Variants in EPC1 observed in about 807,000 individuals in gnomAD.
EPC1 encodes the protein enhancer of polycomb homolog 1.
A neutral mutation model predicts 98.4 loss-of-function variants in EPC1; 12 were observed. The ratio of observed to expected loss-of-function variants is 0.12; its 90% CI spans 0.08 to 0.20. The LOEUF is 0.20. Ranked by LOEUF, EPC1 falls within the 10% of genes least tolerant of loss-of-function variation. The pLI is 1.00. For synonymous variants in EPC1, 357 were observed against 363.9 expected (o/e 0.98, Z 0.21); for missense variants, 729 against 990.5 (o/e 0.74, Z 3.54).
intron 1 of EPC1, among the ~76,000 whole-genome samples, chr10:32,325,460 C>G (rs893741751): frequency 6.6e-6 from 1 of 152,154 alleles, no homozygotes; most frequent in Non-Finnish European, 1.5e-5. Flanking sequence ...ACTTTAATTT[C>G]CACAGGAAGG....
At chr10:32,341,239 T>A (rs1838325795) in intron 1 of EPC1, among the ~76,000 whole-genome samples, 1 of 152,200 alleles carries the variant, frequency 6.6e-6, no homozygotes, top group Admixed American at 6.5e-5. Context: ...GAGTAATAAA[T>A]GTAATCAGAA....
At chr10:32,286,577 A>G (rs1836689257) in intron 9 of EPC1, 117 bp downstream of exon 9, 2 of 1,221,370 alleles carry the variant, frequency 1.6e-6, no homozygotes, top group Non-Finnish European at 2.3e-6. Flanking sequence ...CAGATCAGTT[A>G]AGAATAGCAA....
At chr10:32,342,920 T>C (rs1462494005) in intron 1 of EPC1, among the ~76,000 whole-genome samples, 1 of 152,228 alleles carries the variant, frequency 6.6e-6, no homozygotes, top group Non-Finnish European at 1.5e-5. Flanking sequence ...AAAGATTTGA[T>C]AGTATTAATC....
intron 1 of EPC1, among the ~76,000 whole-genome samples, chr10:32,314,133 ATAAAGT>A (rs1836416319): frequency 6.6e-6 from 1 of 152,220 alleles, no homozygotes; most frequent in South Asian, 2.1e-4. Flanking sequence ...AACAAAGGAA[ATAAAGT>A]TAAATAATTT....
At chr10:32,330,825 G>GA (rs530352287) in intron 1 of EPC1, among the ~76,000 whole-genome samples, 18 of 151,108 alleles carry the variant, frequency 1.2e-4, no homozygotes, top group African/African-American at 4.4e-4. Flanking sequence ...AATTTTATGG[G>GA]AAAAAAACCC....
intron 1 of EPC1, among the ~76,000 whole-genome samples, chr10:32,317,709 G>GT (rs1836638079): frequency 1.3e-5 from 2 of 152,128 alleles, no homozygotes; most frequent in African/African-American, 2.4e-5. Context: ...TGTGGTAATA[G>GT]TTTAAGGACA....
intron 2 of EPC1, among the ~76,000 whole-genome samples, chr10:32,304,918 T>TAAAAA (rs11351207): frequency 1.7e-5 from 2 of 119,446 alleles, no homozygotes; most frequent in African/African-American, 6.3e-5. Flanking sequence ...AACTCCGTCT[T>TAAAAA]AAAAAAAAAA....
intron 2 of EPC1, among the ~76,000 whole-genome samples, chr10:32,303,210 C>A (rs939963813): frequency 6.6e-6 from 1 of 151,954 alleles, no homozygotes; most frequent in African/African-American, 2.4e-5. Flanking sequence ...GGCTGAGGCA[C>A]GAGAATCGCT....
At chr10:32,357,702 C>T (rs1473422529) in intron 1 of EPC1, among the ~76,000 whole-genome samples, 1 of 152,116 alleles carries the variant, frequency 6.6e-6, no homozygotes, top group East Asian at 1.9e-4. Context: ...TCAAGCAGTC[C>T]TCCTGCCTCA....
At chr10:32,271,341 T>A (rs1835833395) in intron 13 of EPC1, among the ~76,000 whole-genome samples, 1 of 152,182 alleles carries the variant, frequency 6.6e-6, no homozygotes, top group Non-Finnish European at 1.5e-5. Context: ...TATGCAACAT[T>A]CACTATACCA....
intron 1 of EPC1, among the ~76,000 whole-genome samples, chr10:32,369,872 A>G (rs947371652): frequency 1.3e-5 from 2 of 152,202 alleles, no homozygotes; most frequent in Non-Finnish European, 2.9e-5. Context: ...GAAGGCAATT[A>G]TATGTACTAA....
Position 32,299,182 on chromosome 10 carries a change from T to C in EPC1, c.314-5445A>G, listed in dbSNP as rs979224951. Among the ~76,000 whole-genome samples, 6 of 152,120 alleles carry C rather than the reference T, an allele frequency of 3.9e-5. No individual in the cohort carries two copies. In the South Asian group the frequency reaches 6.2e-4, roughly 16 times the overall value. On this transcript the variant is annotated intron_variant, in intron 2 of 13. Coordinates refer to ENST00000319778, the MANE Select transcript of EPC1 (RefSeq NM_001272004.3). ...GGGTACATTATATTCATAATGGCTTTTTTGTTTTGTTTTGTTTTTTTGAGA... is the reference window on the plus strand; with the variant it reads ...GGGTACATTATATTCATAATGGCTTCTTTGTTTTGTTTTGTTTTTTTGAGA...
At chr10:32,334,233 A>G (rs887766172) in intron 1 of EPC1, among the ~76,000 whole-genome samples, 29 of 152,218 alleles carry the variant, frequency 1.9e-4, no homozygotes, top group African/African-American at 6.8e-4. Context: ...AATGTTTTAT[A>G]GAGGTTACCT....
chr10:32,339,529 A>G (rs1295393711), intron 1 of EPC1, among the ~76,000 whole-genome samples: 1 of 152,206 alleles, frequency 6.6e-6, no homozygotes, highest in Non-Finnish European at 1.5e-5. Context: ...TGGGTGACAG[A>G]GTGAACTCTC....
At chr10:32,315,290 A>G (rs1203688285) in intron 1 of EPC1, among the ~76,000 whole-genome samples, 3 of 152,230 alleles carry the variant, frequency 2.0e-5, no homozygotes, top group Non-Finnish European at 2.9e-5. Context: ...ACATGAAAAA[A>G]GACATTTCTA....
chr10:32,310,673 A>G (rs1836157354), intron 1 of EPC1, among the ~76,000 whole-genome samples: 1 of 152,208 alleles, frequency 6.6e-6, no homozygotes, highest in African/African-American at 2.4e-5. Context: ...CAGGAGTTCA[A>G]GACCAGCCTG....
chr10:32,359,504 T>C (rs1362471885), intron 1 of EPC1, among the ~76,000 whole-genome samples: 4 of 152,200 alleles, frequency 2.6e-5, no homozygotes, highest in Non-Finnish European at 5.9e-5. Context: ...AGTTTCCCCA[T>C]CCATAAAATA....
intron 2 of EPC1, among the ~76,000 whole-genome samples, chr10:32,299,522 G>A (rs1365694260): frequency 7.2e-6 from 1 of 139,770 alleles, no homozygotes. Context: ...TTTTGGGTAT[G>A]TCCCCCTCCC....
At chr10:32,370,277 C>A (rs1323144341) in intron 1 of EPC1, among the ~76,000 whole-genome samples, 1 of 152,092 alleles carries the variant, frequency 6.6e-6, no homozygotes, top group African/African-American at 2.4e-5. Flanking sequence ...TAGGTCTGGG[C>A]CTCCCTCACC....
Sources: gnomAD v4.1 joint callset for allele counts (sites outside exome capture counted in the v4.1 genomes callset) on GRCh38, gnomAD v4.1.1 for gene constraint, MANE v1.5 for transcripts, NCBI Gene and HGNC (gene_info 2026-07-23, HGNC 2026-07-21) for gene names.